The following SYN3 variants were observed in gnomAD, a reference collection of about 807,000 sequenced individuals.
The protein encoded by SYN3 is synapsin-3.
In SYN3, 35 loss-of-function variants were observed where a neutral mutation model predicts 65.8. The ratio of observed to expected loss-of-function variants is 0.53; its 90% CI spans 0.41 to 0.70. The LOEUF (loss-of-function observed/expected upper bound fraction) is 0.70, where lower values mean the gene tolerates loss of function less well. SYN3 is among the 30% of genes least tolerant of loss of function. The pLI, the probability that SYN3 is intolerant of heterozygous loss-of-function variation, is 0.00. For synonymous variants in SYN3, 270 were observed against 292.9 expected (o/e 0.92, Z 0.80); for missense variants, 680 against 749.0 (o/e 0.91, Z 1.08).
intron 4 of SYN3, among the ~76,000 whole-genome samples, chr22:32,873,696 A>C (rs1196644193): frequency 6.6e-6 from 1 of 152,220 alleles, no homozygotes; most frequent in East Asian, 1.9e-4. Context: ...TCTGAAAGAC[A>C]GGAGTGGCCA....
intron 6 of SYN3, among the ~76,000 whole-genome samples, chr22:32,724,711 A>G (rs1057000580): frequency 6.6e-6 from 1 of 152,170 alleles, no homozygotes; most frequent in Non-Finnish European, 1.5e-5. Context: ...GGACAGAGAG[A>G]GTAAATTTTG....
intron 6 of SYN3, among the ~76,000 whole-genome samples, chr22:32,732,606 T>C (rs569539545): frequency 3.9e-5 from 6 of 152,336 alleles, no homozygotes; most frequent in Admixed American, 1.3e-4. Flanking sequence ...TCAATCTCCC[T>C]GGACATCGTA....
intron 1 of SYN3, among the ~76,000 whole-genome samples, chr22:33,055,307 C>G (rs931437702): frequency 1.3e-5 from 2 of 152,210 alleles, no homozygotes; most frequent in Non-Finnish European, 1.5e-5. Flanking sequence ...TCAAACTCAT[C>G]TCGGGCCACT....
At chr22:32,748,224 A>G (rs2145636211) in intron 6 of SYN3, among the ~76,000 whole-genome samples, 1 of 152,356 alleles carries the variant, frequency 6.6e-6, no homozygotes, top group Middle Eastern at 3.4e-3. Context: ...AGGTATCTTA[A>G]TGCAGTGGCC....
chr22:32,714,443 G>T (rs148990047), intron 6 of SYN3, among the ~76,000 whole-genome samples: 1 of 152,166 alleles, frequency 6.6e-6, no homozygotes, highest in African/African-American at 2.4e-5. Flanking sequence ...GGAGTGGGTA[G>T]AGCCAAGCCA....
intron 7 of SYN3, among the ~76,000 whole-genome samples, chr22:32,582,945 G>A (rs2058970936): frequency 6.6e-6 from 1 of 152,152 alleles, no homozygotes; most frequent in Non-Finnish European, 1.5e-5. Flanking sequence ...TTCTAGGAGT[G>A]TCATGACGTG....
At chr22:32,854,861 G>A (rs2048321677) in intron 6 of SYN3, among the ~76,000 whole-genome samples, 1 of 152,158 alleles carries the variant, frequency 6.6e-6, no homozygotes, top group African/African-American at 2.4e-5. Context: ...CTTTTAACAA[G>A]GCAGGGGCGC....
intron 2 of SYN3, among the ~76,000 whole-genome samples, chr22:32,989,954 C>A (rs2052647234): frequency 6.6e-6 from 1 of 152,052 alleles, no homozygotes; most frequent in South Asian, 2.1e-4. Flanking sequence ...ACTCTTCATA[C>A]CACAGAAAGG....
chr22:32,751,155 G>A (rs886614846), intron 6 of SYN3, among the ~76,000 whole-genome samples: 3 of 151,766 alleles, frequency 2.0e-5, no homozygotes, highest in Non-Finnish European at 4.4e-5. Flanking sequence ...CGCCAGGAGG[G>A]ACGCTGGTGA....
chr22:32,963,450 ACCGCAAAACAGAAGCCTGGAG>A (rs1027897036), intron 3 of SYN3, among the ~76,000 whole-genome samples: 2 of 151,870 alleles, frequency 1.3e-5, no homozygotes. Flanking sequence ...CTGATTAGAG[ACCGCAAAACAGAAGCCTGGAG>A]AGTTAGGTTC....
chr22:32,737,793 C>G (rs2061353469), intron 6 of SYN3, among the ~76,000 whole-genome samples: 1 of 152,160 alleles, frequency 6.6e-6, no homozygotes, highest in African/African-American at 2.4e-5. Context: ...GACCAGGACC[C>G]TGACTCATTC....
At chr22:32,936,040 T>C (rs1170716276) in intron 3 of SYN3, among the ~76,000 whole-genome samples, 1 of 152,234 alleles carries the variant, frequency 6.6e-6, no homozygotes, top group East Asian at 1.9e-4. Context: ...TCCATTGTCT[T>C]AGTAAGCTTA....
intron 1 of SYN3, among the ~76,000 whole-genome samples, chr22:33,053,221 G>A (rs1055870368): frequency 6.6e-6 from 1 of 152,170 alleles, no homozygotes; most frequent in Admixed American, 6.5e-5. Flanking sequence ...TCAGGAGTTC[G>A]AGACCAGCCT....
intron 3 of SYN3, among the ~76,000 whole-genome samples, chr22:32,942,787 A>C (rs2050980550): frequency 6.6e-6 from 1 of 152,230 alleles, no homozygotes. Context: ...CACGAGAACT[A>C]CGTGACGAAT....
chr22:32,836,916 A>G (rs926771132), intron 6 of SYN3, among the ~76,000 whole-genome samples: 1 of 152,172 alleles, frequency 6.6e-6, no homozygotes, highest in African/African-American at 2.4e-5. Flanking sequence ...TCAAACCACA[A>G]GAAAGTCTCC....
intron 8 of SYN3, among the ~76,000 whole-genome samples, chr22:32,540,193 T>G (rs183821110): frequency 6.6e-6 from 1 of 152,350 alleles, no homozygotes; most frequent in East Asian, 1.9e-4. Context: ...AGAAAAAGTT[T>G]GCTGACCCTT....
intron 7 of SYN3, among the ~76,000 whole-genome samples, chr22:32,589,580 T>C (rs1424984895): frequency 2.0e-5 from 3 of 152,162 alleles, no homozygotes; most frequent in African/African-American, 7.2e-5. Context: ...GCTCCAACTG[T>C]CCAGTGATGA....
At chr22:32,723,532 C>G (rs2061148505) in intron 6 of SYN3, among the ~76,000 whole-genome samples, 1 of 152,012 alleles carries the variant, frequency 6.6e-6, no homozygotes, top group African/African-American at 2.4e-5. Flanking sequence ...ACAAGTTGGG[C>G]CCAAGAATCT....
chr22:32,875,516 G>T (rs2048960299), intron 4 of SYN3, among the ~76,000 whole-genome samples: 1 of 152,178 alleles, frequency 6.6e-6, no homozygotes, highest in African/African-American at 2.4e-5. Flanking sequence ...CTAAGCACTG[G>T]TACCTGTGAC....
Sources: allele counts gnomAD v4.1 joint callset (sites outside exome capture counted in the v4.1 genomes callset), GRCh38; gene constraint gnomAD v4.1.1; transcripts MANE v1.5; gene names NCBI Gene and HGNC (gene_info 2026-07-23, HGNC 2026-07-21).